The following CABYR variants were observed in gnomAD, a reference collection of about 807,000 sequenced individuals.
CABYR encodes the protein calcium-binding tyrosine phosphorylation-regulated protein.
A neutral mutation model predicts 36.1 loss-of-function variants in CABYR; 31 were observed. The ratio of observed to expected loss-of-function variants is 0.86; its 90% CI spans 0.64 to 1.16. The LOEUF (loss-of-function observed/expected upper bound fraction) is 1.16. Ranked by LOEUF, CABYR falls within the 50% of genes most tolerant of loss-of-function variation. The probability of loss-of-function intolerance (pLI) is 0.00; values close to 1 mark genes in which losing one functional copy is unlikely to be tolerated. For missense variants in CABYR, 429 were observed against 455.8 expected (o/e 0.94, Z 0.53); for synonymous variants, 146 against 160.7 (o/e 0.91, Z 0.69).
At chr18:24,160,552 A>G (rs1248801075) in intron 5 of CABYR, among the ~76,000 whole-genome samples, 9 of 152,218 alleles carry the variant, frequency 5.9e-5, no homozygotes, top group Non-Finnish European at 1.3e-4. Flanking sequence ...GAGCTAAACA[A>G]CAGCTGAGAT....
chr18:24,159,407 A>T, intron 4 of CABYR, 65 bp from the exon 5 acceptor site: 1 of 1,071,164 alleles, frequency 9.3e-7, no homozygotes, highest in Non-Finnish European at 1.4e-6. Context: ...TTACAAAGAC[A>T]TTACTATGCA....
At chr18:24,143,529 A>G in intron 3 of CABYR, 116 bp downstream of exon 3, 2 of 441,552 alleles carry the variant, frequency 4.5e-6, no homozygotes, top group Middle Eastern at 5.9e-4. Context: ...GTTTAATCAC[A>G]TTGTTCCTTT....
At chr18:24,155,564 C>T (rs1203382164) in intron 3 of CABYR, 137 bp from the exon 4 acceptor site, 1 of 654,872 alleles carries the variant, frequency 1.5e-6, no homozygotes, top group African/African-American at 1.8e-5. Context: ...TCAAGCGATC[C>T]TCCTGCCTCA....
chr18:24,155,504 G>T (rs1271617864), intron 3 of CABYR, among the ~76,000 whole-genome samples, 197 bp from the exon 4 acceptor site: 2 of 151,914 alleles, frequency 1.3e-5, no homozygotes, highest in Admixed American at 1.3e-4. Flanking sequence ...GGTGGTGGTG[G>T]GTAGAGATGG....
chr18:24,154,002 C>CT (rs1275118254), intron 3 of CABYR, among the ~76,000 whole-genome samples: 2 of 142,790 alleles, frequency 1.4e-5, no homozygotes, highest in Non-Finnish European at 3.0e-5. Flanking sequence ...ACTCAGGAGG[C>CT]TGAGGCAGGA....
intron 4 of CABYR, among the ~76,000 whole-genome samples, chr18:24,158,674 C>T (rs1227871982): frequency 6.6e-6 from 1 of 152,056 alleles, no homozygotes; most frequent in Non-Finnish European, 1.5e-5. Context: ...GATAGATGGC[C>T]CAGCGTTCAA....
intron 3 of CABYR, among the ~76,000 whole-genome samples, chr18:24,147,725 G>A (rs1446021186): frequency 6.6e-6 from 1 of 151,892 alleles, no homozygotes; most frequent in Admixed American, 6.6e-5. Flanking sequence ...GAGAGAAAAT[G>A]GGTATTATGG....
rs1195093666 is a variant in CABYR at position 24,159,901 on chromosome 18, C to T, written c.971C>T (p.Pro324Leu). The change falls in exon 5 of 6, where the codon CCC becomes CTC. Residue 324 changes from proline to leucine, a missense_variant. By Grantham distance (98) the Pro-to-Leu change is moderately conservative. Coordinates refer to ENST00000399496, the MANE Select transcript of CABYR (RefSeq NM_153769.3). ...AATCCTCCAAGTGGACAAGATGTCC[C>T]CAGGCCAAAAAGCCCTGTTTTCCTT... ...NANPPSGQDV[P>L]RPKSPVFLSV... The T allele has an allele frequency of 6.2e-7, 1 of 1,614,102 alleles. No homozygotes were observed. Among genetic ancestry groups the T allele is most frequent in the Non-Finnish European group, 8.5e-7 (1 of 1,180,024 alleles).
At chr18:24,143,605 C>T (rs879494312) in intron 3 of CABYR, among the ~76,000 whole-genome samples, 192 bp downstream of exon 3, 2 of 149,676 alleles carry the variant, frequency 1.3e-5, no homozygotes, top group East Asian at 2.0e-4. Context: ...GCAGCGGCGC[C>T]GTCATAGCTC....
chr18:24,159,896 TGTCCC>T lies in CABYR; in HGVS notation c.967_971del (p.Val323GlnfsTer19). The T allele has an allele frequency of 1.9e-6, 3 of 1,614,176 alleles. No homozygotes were observed. Among genetic ancestry groups the T allele is most frequent in the Non-Finnish European group, 2.5e-6 (3 of 1,180,042 alleles). ...ATGCTAATCCTCCAAGTGGACAAGA[TGTCCC>T]CAGGCCAAAAAGCCCTGTTTTCCTT... On this transcript the variant is annotated frameshift_variant, in exon 5 of 6. Transcript: ENST00000399496. LOFTEE classifies it high-confidence loss of function.
At chr18:24,154,574 G>T (rs950140068) in intron 3 of CABYR, among the ~76,000 whole-genome samples, 16 of 152,204 alleles carry the variant, frequency 1.1e-4, no homozygotes, top group African/African-American at 7.2e-5. Context: ...CTATTTTTCA[G>T]AATGCAGCTG....
chr18:24,148,290 C>T (rs976502864), intron 3 of CABYR, among the ~76,000 whole-genome samples: 8 of 152,086 alleles, frequency 5.3e-5, no homozygotes, highest in Admixed American at 4.6e-4. Context: ...TCTACATCTA[C>T]GAATACTCTC....
chr18:24,143,017 A>G lies in CABYR; in HGVS notation c.-24-74A>G, dbSNP rs1483501884. The G allele has an allele frequency of 1.2e-5, 12 of 1,042,574 alleles. No homozygotes were observed. The African/African-American group carries it at 2.0e-4, about 17-fold the overall frequency. The allele number at this position is 1,042,574 out of a possible 1,614,324, so 64.6% of individuals were successfully genotyped here. On this transcript the variant is annotated intron_variant, in intron 1 of 5. Transcript: ENST00000399496. ...CACTGCACTCCAGCCTGGGTGACAG[A>G]GTCTCAAAAAAAAAAAAAAAAAAAA... is the stretch of plus-strand genomic sequence containing the variant.
intron 3 of CABYR, among the ~76,000 whole-genome samples, chr18:24,152,345 C>T (rs1401039828): frequency 6.6e-6 from 1 of 152,162 alleles, no homozygotes; most frequent in Non-Finnish European, 1.5e-5. Flanking sequence ...TTATAATCCC[C>T]ATTTTGCAAG....
At chr18:24,151,138 C>A (rs1171838915) in intron 3 of CABYR, among the ~76,000 whole-genome samples, 7 of 110,378 alleles carry the variant, frequency 6.3e-5, no homozygotes, top group African/African-American at 2.5e-4. Flanking sequence ...CAGTTATGTA[C>A]TTCAGTACCC....
chr18:24,154,957 G>A (rs1215242439), intron 3 of CABYR, among the ~76,000 whole-genome samples: 1 of 152,092 alleles, frequency 6.6e-6, no homozygotes, highest in Non-Finnish European at 1.5e-5. Context: ...CACATTATTA[G>A]CAGGTGCTAC....
At chr18:24,156,199 T>C (rs775689164) in intron 4 of CABYR, 157 bp downstream of exon 4, 1 of 1,614,126 alleles carries the variant, frequency 6.2e-7, no homozygotes, top group Admixed American at 1.7e-5. Context: ...GTGCTAGAAG[T>C]GCAGGTTGTG....
chr18:24,143,230 C>G lies in CABYR; in HGVS notation c.116C>G (p.Ala39Gly), dbSNP rs144317760. The G allele has an allele frequency of 5.8e-4, 933 of 1,613,642 alleles. 2 individuals carry two copies. The highest frequency in any genetic ancestry group is 2.6e-3 in the Middle Eastern group (16 of 6,062). Residue 39 changes from alanine (A) to glycine (G), a missense_variant, in exon 2 of 6, where the codon GCT (alanine) becomes GGT (glycine). Transcript: ENST00000399496. Reference protein sequence around the residue: ...NPSNINQFAAAYFQELTMYRG... With the variant: ...NPSNINQFAAGYFQELTMYRG... The stretch of plus-strand genomic sequence containing the variant: ...TCAAACATCAACCAGTTTGCAGCAG[C>G]TTATTTTCAAGAACTTACTATGTAT...
intron 4 of CABYR, among the ~76,000 whole-genome samples, chr18:24,157,288 A>AC (rs1567903357): frequency 6.6e-6 from 1 of 152,226 alleles, no homozygotes; most frequent in Non-Finnish European, 1.5e-5. Flanking sequence ...GCCTGTTGTC[A>AC]GGTACAAAAT....
Sources: allele counts gnomAD v4.1 joint callset (sites outside exome capture counted in the v4.1 genomes callset), GRCh38; gene constraint gnomAD v4.1.1; transcripts MANE v1.5; gene names NCBI Gene and HGNC (gene_info 2026-07-23, HGNC 2026-07-21).